The following TF variants were observed in gnomAD, a reference collection of about 807,000 sequenced individuals.
TF encodes serotransferrin.
In TF, 55 loss-of-function variants were observed where a neutral mutation model predicts 82.4. That is an observed-to-expected ratio of 0.67 (90% CI 0.54 to 0.84). TF has a LOEUF of 0.84. Among genes scored for constraint, TF ranks in the 40% least tolerant of loss-of-function variants. The pLI is 0.00. For synonymous variants in TF, 332 were observed against 332.6 expected, an observed-to-expected ratio of 1.00 and a Z score of 0.02; for missense variants, 737 against 868.4, an observed-to-expected ratio of 0.85 and a Z score of 1.90.
chr3:133,793,752 T>G lies in TF; in HGVS notation c.*15132T>G, dbSNP rs183029751. Reference sequence around the variant, plus strand: ...GCAGTTTCTGAAAACTTCACAAGCATGCAAAGTCCTAGAATATGGTGTCTT... The same window carrying G: ...GCAGTTTCTGAAAACTTCACAAGCAGGCAAAGTCCTAGAATATGGTGTCTT... On this transcript the variant is annotated 3_prime_UTR_variant, in exon 17 of 17. Coordinates refer to ENST00000402696, the MANE Select transcript of TF (RefSeq NM_001063.4). 3.9e-5 allele frequency: 6 copies of G among 152,258 alleles called. No homozygotes were observed. In the East Asian group the frequency reaches 1.2e-3, roughly 29 times the overall value. The allele number at this position is 152,258 out of a possible 1,614,324, so 9.4% of individuals were successfully genotyped here.
chr3:133,755,289 C>A lies in TF; in HGVS notation c.503-74C>A, dbSNP rs552185567. Reference sequence around the variant, plus strand: ...TTAGTCCCCTCTGTTCCCTGATGGGCCTGGGTGGGGTGATGCCATTGGCTG... The same window carrying A: ...TTAGTCCCCTCTGTTCCCTGATGGGACTGGGTGGGGTGATGCCATTGGCTG... On this transcript the variant is annotated intron_variant, in intron 4 of 16. Transcript: ENST00000402696. The A allele has an allele frequency of 5.8e-4, 926 of 1,606,588 alleles. 1 individual carries two copies. Among genetic ancestry groups the A allele is most frequent in the Non-Finnish European group, 3.8e-4 (451 of 1,174,216 alleles).
At chr3:133,701,791 G>A in the TF span, among the ~76,000 whole-genome samples, 1 of 152,202 alleles carries the variant, frequency 6.6e-6, no homozygotes, top group African/African-American at 2.4e-5. Context: ...TTCTCCTGGA[G>A]GGTGACAGGC....
At chr3:133,728,657 C>T in the TF span, among the ~76,000 whole-genome samples, 1 of 152,228 alleles carries the variant, frequency 6.6e-6, no homozygotes, top group African/African-American at 2.4e-5. Context: ...CTCAACTTGT[C>T]AAAGTCCTTT....
intron 9 of TF, among the ~76,000 whole-genome samples, chr3:133,763,759 G>A (rs192275681): frequency 3.3e-5 from 5 of 152,362 alleles, no homozygotes; most frequent in Non-Finnish European, 7.3e-5. Flanking sequence ...CTCAGCCAAG[G>A]AGGCTGACAT....
chr3:133,753,525 C>T (rs1298725532), intron 2 of TF, 70 bp from the exon 3 acceptor site: 2 of 1,381,642 alleles, frequency 1.4e-6, no homozygotes, highest in Admixed American at 1.7e-5. Flanking sequence ...CCACTCTCTA[C>T]TTGTGTGGGT....
At chr3:133,756,412 C>T in intron 6 of TF, 75 bp downstream of exon 6, 1 of 1,475,432 alleles carries the variant, frequency 6.8e-7, no homozygotes, top group Non-Finnish European at 9.4e-7. Context: ...CTTTTTCATG[C>T]TCAGTAATTG....
the TF span, among the ~76,000 whole-genome samples, chr3:133,710,835 C>T: frequency 2.6e-5 from 4 of 152,338 alleles, no homozygotes; most frequent in East Asian, 7.7e-4. Context: ...TTCCTTCCCT[C>T]CTCCTCTTTA....
chr3:133,696,287 C>T, the TF span, among the ~76,000 whole-genome samples: 2 of 151,986 alleles, frequency 1.3e-5, no homozygotes, highest in African/African-American at 4.8e-5. Flanking sequence ...CAGAGCAAGA[C>T]CCTGTCTCAA....
chr3:133,724,575 G>T, the TF span, among the ~76,000 whole-genome samples: 2 of 152,142 alleles, frequency 1.3e-5, no homozygotes, highest in African/African-American at 4.8e-5. Context: ...AGATGAGTCG[G>T]TTGCGAAAAT....
the TF span, chr3:133,709,765 A>G: frequency 6.5e-6 from 1 of 152,698 alleles, no homozygotes; most frequent in Non-Finnish European, 1.5e-5. Flanking sequence ...AAAATGCCAT[A>G]AATGGGTGGT....
Position 133,750,004 on chromosome 3 carries a change from C to T in TF, c.216+1420C>T, listed in dbSNP as rs1461590170. Among the ~76,000 whole-genome samples the T allele has an allele frequency of 3.3e-5, 5 of 152,142 alleles. No homozygotes were observed. In the East Asian group the frequency reaches 9.6e-4, roughly 29 times the overall value. The stretch of plus-strand genomic sequence containing the variant: ...TCTCTCGATTAGGACTCTATTCTCC[C>T]GCAGAGACTGCGAGACAGACACTCT... On this transcript the variant is annotated intron_variant, in intron 2 of 16. Coordinates refer to ENST00000402696, the MANE Select transcript of TF (RefSeq NM_001063.4).
At chr3:133,767,671 G>A (rs1934159519) in intron 12 of TF, among the ~76,000 whole-genome samples, 10 of 152,192 alleles carry the variant, frequency 6.6e-5, no homozygotes, top group Admixed American at 6.5e-4. Context: ...CAGGGAATGG[G>A]GACATCTGAA....
chr3:133,700,732 G>C, the TF span: 1 of 152,464 alleles, frequency 6.6e-6, no homozygotes, highest in Non-Finnish European at 1.5e-5. Context: ...CCCTCACCAT[G>C]AGCCAGGGAT....
chr3:133,745,470 G>A (rs8177182), upstream of TF, among the ~76,000 whole-genome samples: 3,624 of 152,300 alleles, frequency 0.024, 151 homozygotes, highest in African/African-American at 0.083. Context: ...GTGCATGATT[G>A]AAGTGTACAC....
chr3:133,730,895 C>T, the TF span, among the ~76,000 whole-genome samples: 1 of 151,926 alleles, frequency 6.6e-6, no homozygotes, highest in South Asian at 2.1e-4. Flanking sequence ...AGATGCTACC[C>T]TAGGGGGTTG....
the TF span, among the ~76,000 whole-genome samples, chr3:133,680,533 C>CTTTTCTT: frequency 6.9e-6 from 1 of 145,242 alleles, no homozygotes; most frequent in Non-Finnish European, 1.5e-5. Context: ...CTTTTCTTTT[C>CTTTTCTT]TTTTTTTTTT....
chr3:133,735,141 G>T, the TF span, among the ~76,000 whole-genome samples: 1 of 152,100 alleles, frequency 6.6e-6, no homozygotes, highest in South Asian at 2.1e-4. Flanking sequence ...AGGAGTTCAA[G>T]ACCAGCTTGG....
chr3:133,742,197 G>T (rs926155837), upstream of TF, among the ~76,000 whole-genome samples: 2 of 152,152 alleles, frequency 1.3e-5, no homozygotes, highest in Non-Finnish European at 2.9e-5. Context: ...GCCCAGGCTG[G>T]TCTTGAACTC....
At chr3:133,753,252 G>C (rs1933726256) in intron 2 of TF, among the ~76,000 whole-genome samples, 1 of 152,200 alleles carries the variant, frequency 6.6e-6, no homozygotes, top group Non-Finnish European at 1.5e-5. Context: ...TCTGAGTCTG[G>C]GGTGGCGAGG....
Sources: gnomAD v4.1 joint callset for allele counts (sites outside exome capture counted in the v4.1 genomes callset) on GRCh38, gnomAD v4.1.1 for gene constraint, MANE v1.5 for transcripts, NCBI Gene and HGNC (gene_info 2026-07-23, HGNC 2026-07-21) for gene names.